SEMA3C: variants seen among roughly 807,000 people sequenced by gnomAD.
SEMA3C encodes the protein semaphorin 3C, also known as semaphorin-3C.
In SEMA3C, 47 loss-of-function variants were observed where a neutral mutation model predicts 89.4. That is an observed-to-expected ratio of 0.53 (90% CI 0.42 to 0.67). The LOEUF is 0.67. Among genes scored for constraint, SEMA3C ranks in the 30% least tolerant of loss-of-function variants. The pLI is 0.00. For missense variants in SEMA3C, 839 were observed against 929.1 expected, an observed-to-expected ratio of 0.90 and a Z score of 1.26; for synonymous variants, 310 against 320.2, an observed-to-expected ratio of 0.97 and a Z score of 0.34.
intron 13 of SEMA3C, among the ~76,000 whole-genome samples, chr7:80,762,686 G>A (rs1363806171): frequency 6.6e-6 from 1 of 151,950 alleles, no homozygotes; most frequent in Non-Finnish European, 1.5e-5. Context: ...GGTGGCGCAT[G>A]CCTGTAATCC....
At chr7:80,913,496 T>C (rs1792201228) in intron 2 of SEMA3C, among the ~76,000 whole-genome samples, 1 of 152,246 alleles carries the variant, frequency 6.6e-6, no homozygotes, top group Non-Finnish European at 1.5e-5. Flanking sequence ...CTCAGTTTTC[T>C]GTTTTTAAAC....
intron 6 of SEMA3C, 130 bp from the exon 7 acceptor site, chr7:80,805,888 TG>T: frequency 1.9e-6 from 1 of 521,136 alleles, no homozygotes; most frequent in Non-Finnish European, 3.2e-6. Context: ...AAATATTAAT[TG>T]GTTTGCATTG....
intron 11 of SEMA3C, 29 bp downstream of exon 11, chr7:80,798,063 A>G (rs755542523): frequency 2.5e-6 from 4 of 1,581,042 alleles, no homozygotes. Flanking sequence ...ATAAAGCATC[A>G]TAACAAAGAA....
intron 2 of SEMA3C, among the ~76,000 whole-genome samples, chr7:80,885,971 C>G (rs1334881285): frequency 6.6e-6 from 1 of 152,180 alleles, no homozygotes; most frequent in African/African-American, 2.4e-5. Context: ...TACAACAAAC[C>G]TGCTGATGAC....
intron 5 of SEMA3C, among the ~76,000 whole-genome samples, chr7:80,811,503 C>T (rs1263405068): frequency 6.6e-6 from 1 of 151,830 alleles, no homozygotes; most frequent in Non-Finnish European, 1.5e-5. Context: ...TAAATATGTA[C>T]CTTTTTCTTA....
chr7:80,762,092 T>TAAAAAA (rs547180420), intron 13 of SEMA3C, among the ~76,000 whole-genome samples: 8 of 75,780 alleles, frequency 1.1e-4, no homozygotes, highest in Admixed American at 3.2e-4. Context: ...TCCGTCTCAA[T>TAAAAAA]AAAAAAAAAA....
intron 12 of SEMA3C, among the ~76,000 whole-genome samples, chr7:80,768,195 T>C (rs925300241): frequency 6.6e-6 from 1 of 152,200 alleles, no homozygotes; most frequent in Non-Finnish European, 1.5e-5. Flanking sequence ...CTCTGAAATA[T>C]CTGCTTTGCA....
chr7:80,821,664 T>C (rs1045247562), intron 4 of SEMA3C, among the ~76,000 whole-genome samples: 1 of 151,956 alleles, frequency 6.6e-6, no homozygotes, highest in African/African-American at 2.4e-5. Flanking sequence ...TTAATACTGA[T>C]ATAACTTTTT....
intron 16 of SEMA3C, 23 bp from the exon 17 acceptor site, chr7:80,749,051 G>A (rs763300426): frequency 8.6e-5 from 136 of 1,578,008 alleles, no homozygotes; most frequent in Middle Eastern, 3.4e-4. Context: ...AATAAAAGGC[G>A]AGAGAGAAAG....
intron 2 of SEMA3C, among the ~76,000 whole-genome samples, chr7:80,904,639 T>C (rs1008123839): frequency 1.3e-5 from 2 of 152,196 alleles, no homozygotes; most frequent in Admixed American, 6.5e-5. Flanking sequence ...AACACTAGAT[T>C]GAATAGTGTT....
At position 80,789,371 on chromosome 7, in the gene SEMA3C, G is replaced by T. The variant is rs1427470741; in HGVS notation, c.1289C>A (p.Thr430Lys). The stretch of plus-strand genomic sequence containing the variant: ...GTTCACTCGATCCACAGCTATCTTT[G>T]TATACTTGTAGTCAGTGCCAATACG... ...IVRIGTDYKYTKIAVDRVNAA... is the reference protein window; with the variant it reads ...IVRIGTDYKYKKIAVDRVNAA... The change falls in exon 12 of 18, where the codon ACA becomes AAA. Residue 430 changes from threonine (T) to lysine (K), a missense_variant. Physicochemically the swap from Thr to Lys is moderately conservative, Grantham distance 78. Transcript: ENST00000265361. 1 of 1,613,900 alleles carries T rather than the reference G, an allele frequency of 6.2e-7. No individual in the cohort carries two copies. The highest frequency in any genetic ancestry group is 1.3e-5 in the African/African-American group (1 of 74,888).
intron 12 of SEMA3C, among the ~76,000 whole-genome samples, chr7:80,783,551 A>T (rs1294711665): frequency 1.3e-5 from 2 of 152,224 alleles, no homozygotes; most frequent in Non-Finnish European, 2.9e-5. Context: ...CCTCAGAGTG[A>T]CATTCACACA....
chr7:80,920,056 T>C (rs762718699), upstream of SEMA3C, among the ~76,000 whole-genome samples: 13 of 152,180 alleles, frequency 8.5e-5, no homozygotes, highest in Non-Finnish European at 1.9e-4. Flanking sequence ...ACGAAGAAAT[T>C]ATTTGACAAT....
At chr7:80,901,150 A>G (rs1791870087) in intron 2 of SEMA3C, among the ~76,000 whole-genome samples, 3 of 152,238 alleles carry the variant, frequency 2.0e-5, no homozygotes, top group African/African-American at 7.2e-5. Context: ...CATAAAGATT[A>G]TAACAAAGTC....
intron 2 of SEMA3C, among the ~76,000 whole-genome samples, chr7:80,901,014 T>C (rs1430351205): frequency 6.6e-6 from 1 of 152,186 alleles, no homozygotes; most frequent in Non-Finnish European, 1.5e-5. Flanking sequence ...ATTTTGTACA[T>C]TGCACTAAAC....
At chr7:80,866,348 C>A (rs888556571) in intron 2 of SEMA3C, among the ~76,000 whole-genome samples, 2 of 151,982 alleles carry the variant, frequency 1.3e-5, no homozygotes, top group South Asian at 2.1e-4. Flanking sequence ...AATATTTACA[C>A]AATAAAAACC....
chr7:80,855,509 ATCC>A (rs1366697039), intron 2 of SEMA3C, among the ~76,000 whole-genome samples: 2 of 152,034 alleles, frequency 1.3e-5, no homozygotes, highest in Non-Finnish European at 2.9e-5. Context: ...AATTCAAGCA[ATCC>A]TCCTGCCTTG....
intron 2 of SEMA3C, among the ~76,000 whole-genome samples, chr7:80,833,455 C>G (rs1465950946): frequency 1.3e-5 from 2 of 151,184 alleles, no homozygotes; most frequent in African/African-American, 2.4e-5. Context: ...GAGTGAGACT[C>G]TGTCTAAAAA....
At chr7:80,755,741 T>C (rs752403817) in intron 15 of SEMA3C, among the ~76,000 whole-genome samples, 1 of 152,188 alleles carries the variant, frequency 6.6e-6, no homozygotes, top group South Asian at 2.1e-4. Context: ...ACTATCATAT[T>C]TGGCAGTGAA....
Sources: allele counts gnomAD v4.1 joint callset (sites outside exome capture counted in the v4.1 genomes callset), GRCh38; gene constraint gnomAD v4.1.1; transcripts MANE v1.5; gene names NCBI Gene and HGNC (gene_info 2026-07-23, HGNC 2026-07-21).